The following NHSL1 variants were observed in gnomAD, a reference collection of about 807,000 sequenced individuals.
NHSL1 encodes the protein NHS like 1, also known as NHS-like protein 1.
Under a neutral mutation model 95.0 loss-of-function variants are expected in NHSL1, and 48 were observed. The ratio of observed to expected loss-of-function variants is 0.51; its 90% CI spans 0.40 to 0.64. The LOEUF (loss-of-function observed/expected upper bound fraction) is 0.64, where lower values mean the gene tolerates loss of function less well. Among genes scored for constraint, NHSL1 ranks in the 30% least tolerant of loss-of-function variants. NHSL1 has a pLI of 0.00. For synonymous variants in NHSL1, 783 were observed against 833.9 expected, an observed-to-expected ratio of 0.94 and a Z score of 1.05; for missense variants, 1,971 against 2,077.7, an observed-to-expected ratio of 0.95 and a Z score of 1.00.
In NHSL1 at chr6:138,432,866, C is replaced by T; in HGVS notation, c.1479G>A (p.Leu493=). 6.4e-7 allele frequency: 1 copy of T among 1,551,570 alleles called. No individual in the cohort carries two copies. The highest frequency in any genetic ancestry group is 8.7e-7 in the Non-Finnish European group (1 of 1,146,882). The change falls in exon 6 of 8, where the codon CTG becomes CTA. Residue 493 remains leucine (L), a synonymous_variant. Coordinates refer to ENST00000343505, the MANE Select transcript of NHSL1 (RefSeq NM_001144060.2). This position sits in a 1 kb window ranked among gnomAD's most constrained non-coding sequence, Gnocchi z 4.4. ...LDPHSPGEPA[L]LSLCDSAVPL... is the part of the protein sequence containing the mutation. The stretch of plus-strand genomic sequence containing the variant: ...GGACGGCTGAGTCACAGAGGGACAA[C>T]AGTGCGGGTTCACCAGGGGAATGAG...
chr6:138,689,354 G>A (rs1234104691), intron 1 of NHSL1, among the ~76,000 whole-genome samples: 1 of 152,130 alleles, frequency 6.6e-6, no homozygotes, highest in African/African-American at 2.4e-5. Flanking sequence ...GAAAGTAGGA[G>A]TCTTCAATGA....
At chr6:138,603,199 G>T (rs748799888) in intron 1 of NHSL1, among the ~76,000 whole-genome samples, 19 of 152,022 alleles carry the variant, frequency 1.2e-4, no homozygotes, top group Non-Finnish European at 1.8e-4. Context: ...ATTCTGAGGG[G>T]TTTTTTTAAA....
intron 1 of NHSL1, among the ~76,000 whole-genome samples, chr6:138,660,732 G>A (rs189860532): frequency 7.9e-5 from 12 of 151,138 alleles, no homozygotes; most frequent in African/African-American, 2.9e-4. Context: ...CAGGCAGGTG[G>A]ATCACTTGAG....
In NHSL1 at chr6:138,505,652, CAA is replaced by C. The variant is rs10559023; in HGVS notation, c.17-9283_17-9282del. Among the ~76,000 whole-genome samples, 199 of 87,690 alleles carry C rather than the reference CAA, an allele frequency of 2.3e-3. 1 individual carries two copies. The Middle Eastern group carries it at 0.023, about 10-fold the overall frequency. The allele number at this position is 87,690 out of a possible 152,430, so 57.5% of individuals were successfully genotyped here. A position where few individuals can be genotyped will look rare whatever the true frequency, so the allele number is the denominator to read the frequency against. On this transcript the variant is annotated intron_variant, in intron 1 of 4. Transcript: ENST00000342260. ...TGGGCGACAGAGCTAGACTCCATTT[CAA>C]AAAAAAAAAAAAAAAAAAAGAATAT...
chr6:138,623,867 G>A (rs943879350), intron 1 of NHSL1, among the ~76,000 whole-genome samples: 1 of 152,194 alleles, frequency 6.6e-6, no homozygotes, highest in Non-Finnish European at 1.5e-5. Context: ...TCTCGTGATA[G>A]TGAGTGAGTC....
At chr6:138,672,566 G>A (rs995600895) in intron 1 of NHSL1, among the ~76,000 whole-genome samples, 1 of 152,104 alleles carries the variant, frequency 6.6e-6, no homozygotes, top group Non-Finnish European at 1.5e-5. Flanking sequence ...TTCTAAAGTG[G>A]AATCAAGTAC....
At chr6:138,597,697 T>C (rs1315071420) in intron 1 of NHSL1, among the ~76,000 whole-genome samples, 1 of 152,182 alleles carries the variant, frequency 6.6e-6, no homozygotes, top group Non-Finnish European at 1.5e-5. Flanking sequence ...CATTCCATCT[T>C]CCAGTAAGTA....
chr6:138,496,245 T>C lies in NHSL1; in HGVS notation c.185A>G (p.Lys62Arg). 6.4e-7 allele frequency: 1 copy of C among 1,550,994 alleles called. No homozygotes were observed. The highest frequency in any genetic ancestry group is 8.7e-7 in the Non-Finnish European group (1 of 1,146,770). Residue 62 changes from lysine to arginine, a missense_variant, in exon 2 of 8, where the codon AAG becomes AGG. By Grantham distance (26) the Lys-to-Arg change is conservative. Transcript: ENST00000343505. ...PCVEDLHRQA[K>R]LNLKSVLREC... The stretch of plus-strand genomic sequence containing the variant: ...CCTCAGTACTGATTTGAGGTTGAGC[T>C]TGGCTTGGCGGTGCAGGTCCTCAAC...
In NHSL1 at chr6:138,447,087, T is replaced by G. The variant is rs1464063018; in HGVS notation, c.446A>C (p.Lys149Thr). Residue 149 changes from lysine to threonine, a missense_variant, in exon 4 of 8, where the codon AAG (lysine) becomes ACG (threonine). By Grantham distance (78) the Lys-to-Thr change is moderately conservative (BLOSUM62 -1). Transcript: ENST00000343505. ...SDLNTQTNWT[K>T]SLPLPTPEEK... is the part of the protein sequence containing the mutation. ...TTCTGGTGTTGGCAGTGGAAGCGAC[T>G]TGGTCCAGTTCGTCTGAGTATTAAG... The G allele has an allele frequency of 1.4e-5, 21 of 1,551,784 alleles. No homozygotes were observed. The Admixed American group carries it at 1.6e-4, about 12-fold the overall frequency.
Position 138,424,771 on chromosome 6 carries a change from G to A in NHSL1, c.4131C>T (p.His1377=), listed in dbSNP as rs191967640. The A allele has an allele frequency of 1.5e-3, 2,313 of 1,551,402 alleles. 41 individuals carry two copies. The Admixed American group carries it at 0.029, about 20-fold the overall frequency. The change falls in exon 8 of 8, where the codon CAC becomes CAT. Residue 1377 remains histidine, a synonymous_variant. Coordinates refer to ENST00000343505, the MANE Select transcript of NHSL1 (RefSeq NM_001144060.2). The surrounding 1 kb of genome is among the most constrained non-coding windows in gnomAD (Gnocchi z 5.9). The stretch of plus-strand genomic sequence containing the variant: ...GCGGGGAGGGAGAATGGTTTCGGGA[G>A]TGGTCATCATCTGAATCTCTACGGC... ...VLGRRDSDDD[H]SRNHSPSPPV...
intron 1 of NHSL1, among the ~76,000 whole-genome samples, chr6:138,521,924 C>G (rs1781699465): frequency 6.6e-6 from 1 of 151,946 alleles, no homozygotes; most frequent in Non-Finnish European, 1.5e-5. Context: ...GAGGAAGACT[C>G]TTGGTCAGAA....
intron 1 of NHSL1, among the ~76,000 whole-genome samples, chr6:138,531,518 CTCTT>C (rs752351319): frequency 5.6e-5 from 8 of 143,196 alleles, no homozygotes; most frequent in African/African-American, 8.9e-5. Flanking sequence ...TTGTTTCTCT[CTCTT>C]TTTTTTTTTT....
At chr6:138,669,157 G>A (rs942685233) in intron 1 of NHSL1, among the ~76,000 whole-genome samples, 13 of 152,038 alleles carry the variant, frequency 8.6e-5, no homozygotes, top group African/African-American at 3.1e-4. Flanking sequence ...GAGAAGATAG[G>A]AAAACACACA....
At chr6:138,482,156 AAAG>A (rs1162259528) in intron 2 of NHSL1, among the ~76,000 whole-genome samples, 2 of 152,256 alleles carry the variant, frequency 1.3e-5, no homozygotes, top group African/African-American at 4.8e-5. Flanking sequence ...TGCCTTAAAA[AAAG>A]AAGATGAAGC....
At chr6:138,508,335 G>A (rs953658777) in intron 1 of NHSL1, among the ~76,000 whole-genome samples, 5 of 152,280 alleles carry the variant, frequency 3.3e-5, no homozygotes, top group Non-Finnish European at 4.4e-5. Context: ...AAATGAGGTC[G>A]GGCTAACATG....
intron 1 of NHSL1, among the ~76,000 whole-genome samples, chr6:138,552,898 T>A (rs967681254): frequency 6.6e-6 from 1 of 152,212 alleles, no homozygotes; most frequent in Non-Finnish European, 1.5e-5. Flanking sequence ...CCAGCCCTGA[T>A]GTCGCTTCAA....
intron 1 of NHSL1, among the ~76,000 whole-genome samples, chr6:138,672,299 GA>G (rs1785383178): frequency 6.6e-6 from 1 of 152,028 alleles, no homozygotes; most frequent in African/African-American, 2.4e-5. Flanking sequence ...GAATGCTAAG[GA>G]GAATACATTA....
intron 5 of NHSL1, among the ~76,000 whole-genome samples, chr6:138,440,802 A>G (rs956838518): frequency 1.8e-4 from 27 of 152,358 alleles, no homozygotes; most frequent in Admixed American, 1.4e-3. Context: ...CAGATATATC[A>G]CTATTGCTGG....
Position 138,424,494 on chromosome 6 carries a change from T to C in NHSL1, c.4408A>G (p.Ser1470Gly). The change falls in exon 8 of 8, where the codon AGC becomes GGC. Residue 1470 changes from serine to glycine, a missense_variant. Coordinates refer to ENST00000343505, the MANE Select transcript of NHSL1 (RefSeq NM_001144060.2). The surrounding 1 kb of genome is among the most constrained non-coding windows in gnomAD (Gnocchi z 5.9). ...APESPSSCSP[S>G]KNRRAQEEWA... The stretch of plus-strand genomic sequence containing the variant: ...TCCTCCTGCGCCCTTCTGTTCTTGC[T>C]TGGGGAGCAGCTTGACGGGCTCTCG... 1 of 1,551,550 alleles carries C rather than the reference T, an allele frequency of 6.4e-7. No homozygotes were observed. Among genetic ancestry groups the C allele is most frequent in the South Asian group, 1.2e-5 (1 of 84,038 alleles).
Sources: gnomAD v4.1 joint callset for allele counts (sites outside exome capture counted in the v4.1 genomes callset) on GRCh38, gnomAD v4.1.1 for gene constraint, Gnocchi (gnomAD v3.1) non-coding constraint, MANE v1.5 for transcripts, NCBI Gene and HGNC (gene_info 2026-07-23, HGNC 2026-07-21) for gene names.